GPC6: variants seen among roughly 807,000 people sequenced by gnomAD.
The protein encoded by GPC6 is glypican 6.
A neutral mutation model predicts 55.2 loss-of-function variants in GPC6; 14 were observed. The ratio of observed to expected loss-of-function variants is 0.25; its 90% CI spans 0.17 to 0.40. The LOEUF is 0.40. Among genes scored for constraint, GPC6 ranks in the 10% least tolerant of loss-of-function variants. GPC6 has a pLI of 1.00. For synonymous variants in GPC6, 278 were observed against 259.6 expected (o/e 1.07, Z -0.68); for missense variants, 641 against 708.5 (o/e 0.90, Z 1.08).
At chr13:94,096,513 T>G (rs1885664084) in intron 4 of GPC6, among the ~76,000 whole-genome samples, 1 of 152,204 alleles carries the variant, frequency 6.6e-6, no homozygotes, top group Non-Finnish European at 1.5e-5. Context: ...ATATGATTTT[T>G]TTCCCAATAA....
intron 1 of GPC6, among the ~76,000 whole-genome samples, chr13:93,359,695 A>G (rs1488806816): frequency 6.6e-6 from 1 of 152,186 alleles, no homozygotes; most frequent in Non-Finnish European, 1.5e-5. Context: ...ACTGCTAATG[A>G]GAGTAAATAT....
At chr13:93,554,195 G>C (rs1204918526) in intron 2 of GPC6, among the ~76,000 whole-genome samples, 2 of 151,484 alleles carry the variant, frequency 1.3e-5, no homozygotes, top group Non-Finnish European at 2.9e-5. Flanking sequence ...ACACAGGACT[G>C]AAGATATCCA....
intron 4 of GPC6, among the ~76,000 whole-genome samples, chr13:94,059,458 C>G (rs1884248742): frequency 6.6e-6 from 1 of 152,042 alleles, no homozygotes; most frequent in Admixed American, 6.6e-5. Flanking sequence ...GTAACACCCA[C>G]AGCCAGCCTG....
intron 3 of GPC6, among the ~76,000 whole-genome samples, chr13:93,882,200 G>C (rs1249985844): frequency 6.6e-6 from 1 of 151,522 alleles, no homozygotes; most frequent in Non-Finnish European, 1.5e-5. Flanking sequence ...TTTCGCCAAA[G>C]CTGGAGTGCA....
intron 4 of GPC6, among the ~76,000 whole-genome samples, chr13:94,100,610 A>C (rs916448882): frequency 6.6e-6 from 1 of 152,172 alleles, no homozygotes; most frequent in Non-Finnish European, 1.5e-5. Flanking sequence ...CCTTCAGGCT[A>C]GTACTTTCTA....
chr13:93,228,020 T>C (rs889253909), intron 1 of GPC6, among the ~76,000 whole-genome samples: 5 of 152,122 alleles, frequency 3.3e-5, no homozygotes, highest in East Asian at 3.9e-4. Context: ...GCGACCGCAG[T>C]TTGCCCAGCG....
At chr13:93,787,647 A>G (rs1885855372) in intron 2 of GPC6, among the ~76,000 whole-genome samples, 1 of 152,210 alleles carries the variant, frequency 6.6e-6, no homozygotes, top group Non-Finnish European at 1.5e-5. Context: ...GATATCCATC[A>G]CCTTAAATAT....
chr13:93,757,759 T>C (rs537020913), intron 2 of GPC6, among the ~76,000 whole-genome samples: 158 of 152,220 alleles, frequency 1.0e-3, no homozygotes, highest in African/African-American at 3.8e-3. Context: ...AAGGAAGAGA[T>C]TTTTTGTCTG....
At chr13:93,796,573 A>G (rs1460542962) in intron 2 of GPC6, among the ~76,000 whole-genome samples, 1 of 152,166 alleles carries the variant, frequency 6.6e-6, no homozygotes, top group African/African-American at 2.4e-5. Flanking sequence ...AAAAGATAGT[A>G]AGACTGAGAA....
chr13:94,317,258 G>T (rs563922283), intron 6 of GPC6, among the ~76,000 whole-genome samples: 1 of 152,322 alleles, frequency 6.6e-6, no homozygotes, highest in Non-Finnish European at 1.5e-5. Flanking sequence ...CAATGACTTT[G>T]TAAATTTTAT....
intron 4 of GPC6, among the ~76,000 whole-genome samples, chr13:94,202,376 C>T (rs147368745): frequency 6.9e-4 from 105 of 152,250 alleles, no homozygotes; most frequent in African/African-American, 2.5e-3. Flanking sequence ...TTAATGGACT[C>T]ACAGTTCCAC....
intron 1 of GPC6, among the ~76,000 whole-genome samples, chr13:93,306,770 T>G (rs919314785): frequency 6.6e-6 from 1 of 152,126 alleles, no homozygotes; most frequent in Non-Finnish European, 1.5e-5. Flanking sequence ...TTCAATTTTT[T>G]GAAGTTACAG....
In GPC6 at chr13:93,899,577, AG is replaced by A. The variant is rs1483052440; in HGVS notation, c.711+69033del. The stretch of plus-strand genomic sequence containing the variant: ...TGGAATATGTTAGATGTTTAATGAA[AG>A]AATGAATCAATGCATATACATACAC... On this transcript the variant is annotated intron_variant, in intron 3 of 8. Transcript: ENST00000377047. Among the ~76,000 whole-genome samples the A allele has an allele frequency of 1.1e-4, 17 of 152,282 alleles. No individual in the cohort carries two copies. The East Asian group carries it at 3.3e-3, about 29-fold the overall frequency.
At chr13:93,503,468 G>A (rs1880595129) in intron 1 of GPC6, among the ~76,000 whole-genome samples, 1 of 152,140 alleles carries the variant, frequency 6.6e-6, no homozygotes, top group Non-Finnish European at 1.5e-5. Flanking sequence ...TTTTCAAAAT[G>A]TAAACACCAT....
chr13:94,180,777 G>A (rs1280478893), intron 4 of GPC6, among the ~76,000 whole-genome samples: 2 of 152,136 alleles, frequency 1.3e-5, no homozygotes, highest in South Asian at 2.1e-4. Context: ...ATAGGGACAA[G>A]TCATTAAGGT....
chr13:93,931,814 G>A (rs1878193930), intron 3 of GPC6, among the ~76,000 whole-genome samples: 1 of 148,144 alleles, frequency 6.8e-6, no homozygotes, highest in African/African-American at 2.5e-5. Flanking sequence ...AGAGTAAGCA[G>A]ACACAGTGCT....
intron 2 of GPC6, among the ~76,000 whole-genome samples, chr13:93,652,043 A>T (rs1452104887): frequency 3.9e-5 from 6 of 152,218 alleles, no homozygotes; most frequent in Non-Finnish European, 7.3e-5. Context: ...TTAAAACTGC[A>T]GTTTAAGAAA....
intron 1 of GPC6, among the ~76,000 whole-genome samples, chr13:93,523,168 TATACAC>T (rs765965507): frequency 2.7e-5 from 4 of 148,570 alleles, no homozygotes; most frequent in Non-Finnish European, 6.0e-5. Flanking sequence ...TATGTACATA[TATACAC>T]ATACATATAC....
At chr13:93,405,656 T>C (rs574646736) in intron 1 of GPC6, among the ~76,000 whole-genome samples, 2 of 152,184 alleles carry the variant, frequency 1.3e-5, no homozygotes, top group Admixed American at 6.5e-5. Context: ...CTTTTTTTTT[T>C]CTTCAAGGAT....
Sources: allele counts gnomAD v4.1 joint callset (sites outside exome capture counted in the v4.1 genomes callset), GRCh38; gene constraint gnomAD v4.1.1; transcripts MANE v1.5; gene names NCBI Gene and HGNC (gene_info 2026-07-23, HGNC 2026-07-21).